Variants in SNX8 observed in about 807,000 individuals in gnomAD.
The protein encoded by SNX8 is sorting nexin 8, also known as sorting nexin-8.
A neutral mutation model predicts 51.6 loss-of-function variants in SNX8; 25 were observed. That is an observed-to-expected ratio of 0.48 (90% confidence interval 0.35 to 0.68). The LOEUF (loss-of-function observed/expected upper bound fraction) is 0.68, where lower values mean the gene tolerates loss of function less well. SNX8 is among the 30% of genes least tolerant of loss of function. The probability of loss-of-function intolerance (pLI) is 0.00; values close to 1 mark genes in which losing one functional copy is unlikely to be tolerated. For missense variants in SNX8, 695 were observed against 624.0 expected (o/e 1.11, Z -1.21); for synonymous variants, 324 against 277.0 (o/e 1.17, Z -1.68).
intron 1 of SNX8, among the ~76,000 whole-genome samples, chr7:2,338,897 C>A (rs937869160): frequency 3.9e-5 from 6 of 151,972 alleles, no homozygotes; most frequent in African/African-American, 1.4e-4. Flanking sequence ...GGCAACATAG[C>A]AAGACCTTGC....
At chr7:2,305,659 C>A (rs1221544304) in intron 1 of SNX8, among the ~76,000 whole-genome samples, 1 of 151,982 alleles carries the variant, frequency 6.6e-6, no homozygotes, top group Non-Finnish European at 1.5e-5. Flanking sequence ...CCACCATGCC[C>A]GGCCTGTATT....
At chr7:2,273,666 G>A (rs1000848230) in intron 3 of SNX8, among the ~76,000 whole-genome samples, 1 of 151,868 alleles carries the variant, frequency 6.6e-6, no homozygotes, top group Non-Finnish European at 1.5e-5. Flanking sequence ...CACTTTGGGA[G>A]GCTGAGGTGC....
intron 1 of SNX8, among the ~76,000 whole-genome samples, chr7:2,292,414 CTTTTTT>C (rs879512843): frequency 4.9e-5 from 7 of 143,808 alleles, no homozygotes; most frequent in African/African-American, 1.8e-4. Flanking sequence ...GCAAAGACTT[CTTTTTT>C]TTTTTTTTTA....
At chr7:2,257,307 C>T in intron 9 of SNX8, 58 bp downstream of exon 9, 1 of 1,562,112 alleles carries the variant, frequency 6.4e-7, no homozygotes, top group Non-Finnish European at 8.6e-7. Flanking sequence ...CTCCGGGTCC[C>T]ACCATGGCCG....
chr7:2,258,008 C>CTTTT (rs59062161), intron 7 of SNX8, among the ~76,000 whole-genome samples: 3 of 126,660 alleles, frequency 2.4e-5, no homozygotes, highest in African/African-American at 6.5e-5. Flanking sequence ...GCCCAGCAGT[C>CTTTT]TTTTTTTTTT....
At chr7:2,261,934 C>A (rs372979174) in intron 7 of SNX8, among the ~76,000 whole-genome samples, 1 of 152,234 alleles carries the variant, frequency 6.6e-6, no homozygotes, top group African/African-American at 2.4e-5. Flanking sequence ...ACAGCCCTCA[C>A]GGGCACACTC....
intron 1 of SNX8, chr7:2,309,975 A>G (rs1796628975): frequency 2.3e-6 from 1 of 427,080 alleles, no homozygotes; most frequent in African/African-American, 2.1e-5. Context: ...GTCAACGCGG[A>G]CAAACAGCAC....
rs576080375 is a variant in SNX8, at chr7:2,256,863, G to A, written c.1284+11C>T. The A allele has an allele frequency of 2.7e-4, 439 of 1,608,432 alleles. 2 individuals are homozygous for A. In the South Asian group the frequency reaches 4.5e-3, roughly 17 times the overall value. On this transcript the variant is annotated intron_variant, in intron 10 of 10. Coordinates refer to ENST00000222990, the MANE Select transcript of SNX8 (RefSeq NM_013321.4). ...GTGGCCGAGACGGCGGCCGGAGCAG[G>A]GCGGACTCACCTCCTTGTGCCCTTG... is the stretch of plus-strand genomic sequence containing the variant.
intron 1 of SNX8, among the ~76,000 whole-genome samples, chr7:2,333,434 CG>C (rs1778774081): frequency 6.6e-6 from 1 of 151,980 alleles, no homozygotes; most frequent in African/African-American, 2.4e-5. Context: ...GTGGTGTGCG[CG>C]CCTGTAGTCC....
At chr7:2,329,939 A>C (rs1470446254) in intron 1 of SNX8, among the ~76,000 whole-genome samples, 45 of 90,486 alleles carry the variant, frequency 5.0e-4, no homozygotes, top group Admixed American at 7.7e-4. Context: ...GCAATTCGCC[A>C]CTCCACCCAC....
At chr7:2,277,464 C>T (rs1022292380) in intron 2 of SNX8, among the ~76,000 whole-genome samples, 2 of 152,084 alleles carry the variant, frequency 1.3e-5, no homozygotes, top group Non-Finnish European at 2.9e-5. Context: ...TGGTGTGGAT[C>T]CCGCTTTGTG....
chr7:2,319,141 C>A (rs1351017898), upstream of SNX8, among the ~76,000 whole-genome samples: 1 of 150,918 alleles, frequency 6.6e-6, no homozygotes, highest in East Asian at 2.0e-4. Flanking sequence ...AAGTTCAAGA[C>A]CAGCCTGGTC....
At chr7:2,344,427 T>C (rs985055835) in intron 1 of SNX8, among the ~76,000 whole-genome samples, 12 of 145,254 alleles carry the variant, frequency 8.3e-5, no homozygotes, top group South Asian at 2.2e-4. Flanking sequence ...CTGGCTGAGA[T>C]GGTGAAACCC....
At chr7:2,349,242 TTATAG>T (rs1400724754) in intron 1 of SNX8, among the ~76,000 whole-genome samples, 3 of 151,320 alleles carry the variant, frequency 2.0e-5, no homozygotes, top group African/African-American at 4.9e-5. Flanking sequence ...ATGCGTAATA[TTATAG>T]TAAAGTGTAC....
chr7:2,317,442 T>A (rs1338472518), upstream of SNX8, among the ~76,000 whole-genome samples: 3 of 151,612 alleles, frequency 2.0e-5, no homozygotes, highest in Non-Finnish European at 4.4e-5. Context: ...CACACCCAGC[T>A]AATTTTTGTA....
intron 1 of SNX8, among the ~76,000 whole-genome samples, chr7:2,311,665 C>T (rs1183669332): frequency 6.6e-5 from 10 of 151,710 alleles, no homozygotes; most frequent in Non-Finnish European, 1.5e-4. Context: ...AGGCCGGGCG[C>T]GGTGGCTCAC....
chr7:2,259,180 C>T (rs555973657), intron 7 of SNX8, among the ~76,000 whole-genome samples: 1 of 152,326 alleles, frequency 6.6e-6, no homozygotes, highest in East Asian at 1.9e-4. Context: ...GCGGAAGCGG[C>T]AGCCCATCCA....
chr7:2,313,748 G>A (rs1796705942), intron 1 of SNX8, among the ~76,000 whole-genome samples: 10 of 152,156 alleles, frequency 6.6e-5, no homozygotes, highest in Admixed American at 3.9e-4. Context: ...CGTAGTCCCA[G>A]CACTTTGGGA....
At chr7:2,299,094 G>A (rs1796335890) in intron 1 of SNX8, among the ~76,000 whole-genome samples, 1 of 152,034 alleles carries the variant, frequency 6.6e-6, no homozygotes, top group Admixed American at 6.6e-5. Context: ...TCCCCAGAGA[G>A]CTAGGTTCCT....
Sources: gnomAD v4.1 joint callset for allele counts (sites outside exome capture counted in the v4.1 genomes callset) on GRCh38, gnomAD v4.1.1 for gene constraint, MANE v1.5 for transcripts, NCBI Gene and HGNC (gene_info 2026-07-23, HGNC 2026-07-21) for gene names.